CUX1: variants seen among roughly 807,000 people sequenced by gnomAD.
The protein encoded by CUX1 is protein CASP.
CUX1 carries 31 observed loss-of-function variants against 158.8 expected under a neutral mutation model. The observed-to-expected ratio is 0.20, with a 90% CI of 0.15 to 0.26. The LOEUF (loss-of-function observed/expected upper bound fraction) is 0.26, where lower values mean the gene tolerates loss of function less well. CUX1 is among the 10% of genes least tolerant of loss of function. The probability of loss-of-function intolerance (pLI) is 1.00; values close to 1 mark genes in which losing one functional copy is unlikely to be tolerated. For missense variants in CUX1, 1,589 were observed against 2,014.6 expected, an observed-to-expected ratio of 0.79 and a Z score of 4.04; for synonymous variants, 879 against 862.1, an observed-to-expected ratio of 1.02 and a Z score of -0.34.
intron 2 of CUX1, among the ~76,000 whole-genome samples, chr7:101,996,347 C>A (rs964442839): frequency 6.6e-6 from 1 of 151,342 alleles, no homozygotes; most frequent in African/African-American, 2.5e-5. Flanking sequence ...GTCTCTTGAG[C>A]TCAGCTGGCT....
Position 102,249,689 on chromosome 7 carries a change from G to A in CUX1, c.*647G>A, listed in dbSNP as rs2132636675. 1 of 984,928 alleles carries A rather than the reference G, an allele frequency of 1.0e-6. No homozygotes were observed. Among genetic ancestry groups the A allele is most frequent in the African/African-American group, 1.8e-5 (1 of 57,130 alleles). The allele number at this position is 984,928 out of a possible 1,614,324, so 61.0% of individuals were successfully genotyped here. On this transcript the variant is annotated 3_prime_UTR_variant, in exon 24 of 24. Coordinates refer to ENST00000292535, the MANE Select transcript of CUX1 (RefSeq NM_181552.4). ...CCAGGAAAAAATAAAAGGGGGGGTG[G>A]GATTTTTCAGAAAAATTAAAAAAGA...
downstream of CUX1, among the ~76,000 whole-genome samples, chr7:102,259,927 C>G (rs1790265687): frequency 6.6e-6 from 1 of 151,450 alleles, no homozygotes; most frequent in Middle Eastern, 3.4e-3. Flanking sequence ...GAGACCCCAT[C>G]TCTACAAAAA....
intron 2 of CUX1, among the ~76,000 whole-genome samples, chr7:101,943,689 T>TA (rs553867902): frequency 9.0e-4 from 132 of 146,060 alleles, no homozygotes; most frequent in Middle Eastern, 7.0e-3. Flanking sequence ...CTTTAAAATT[T>TA]AAAAAAAAAA....
chr7:102,155,704 ATGTTT>A (rs1789678259), intron 8 of CUX1, among the ~76,000 whole-genome samples: 1 of 152,226 alleles, frequency 6.6e-6, no homozygotes, highest in Non-Finnish European at 1.5e-5. Context: ...CTTTTCTGAT[ATGTTT>A]TAAGACCCTT....
At chr7:102,071,714 C>T (rs1563204474) in intron 4 of CUX1, among the ~76,000 whole-genome samples, 2 of 152,160 alleles carry the variant, frequency 1.3e-5, no homozygotes, top group Non-Finnish European at 2.9e-5. Context: ...GCTGTCCCCT[C>T]TTGGAGCTGG....
chr7:101,925,550 T>C (rs1200595285), intron 2 of CUX1, among the ~76,000 whole-genome samples: 1 of 152,194 alleles, frequency 6.6e-6, no homozygotes, highest in Admixed American at 6.5e-5. Flanking sequence ...TTGCACAACT[T>C]TGAATATGCC....
rs61429755 is a variant in CUX1 at position 101,940,242 on chromosome 7, G to GAA, written c.141+24030_141+24031dup. Among the ~76,000 whole-genome samples, 274 of 140,194 alleles carry GAA rather than the reference G, an allele frequency of 2.0e-3. 1 individual carries two copies. The highest frequency in any genetic ancestry group is 6.6e-3 in the South Asian group (28 of 4,266). The allele number at this position is 140,194 out of a possible 152,430, so 92.0% of individuals were successfully genotyped here. The stretch of plus-strand genomic sequence containing the variant: ...GTGACGGAGGGAGACCCTGTCTCAG[G>GAA]AAAAAAAAAAAAAAGAGGAGGTTTT... On this transcript the variant is annotated intron_variant, in intron 2 of 23. Coordinates refer to ENST00000292535, the MANE Select transcript of CUX1 (RefSeq NM_181552.4).
Position 102,196,720 on chromosome 7 carries a change from A to C in CUX1, c.1309A>C (p.Asn437His). 3 of 1,611,336 alleles carry C rather than the reference A, an allele frequency of 1.9e-6. No homozygotes were observed. Among genetic ancestry groups the C allele is most frequent in the Non-Finnish European group, 2.5e-6 (3 of 1,178,100 alleles). Residue 437 changes from asparagine (N) to histidine (H), a missense_variant, in exon 15 of 24, where the codon AAC becomes CAC. Around this residue, in one of 8 missense-constraint regions of CUX1, gnomAD observed 515 missense variants for 574.4 expected, o/e 0.90. Coordinates refer to ENST00000292535, the MANE Select transcript of CUX1 (RefSeq NM_181552.4). ...CCCCCCTCCTTCTCAGTTGCCCCGC[A>C]ACCCGGGGGAGCAGGCTTCCAATAC... ...PAPPPSQLPR[N>H]PGEQASNTNG...
chr7:102,150,104 T>G (rs1312737626), intron 8 of CUX1, among the ~76,000 whole-genome samples: 3 of 152,212 alleles, frequency 2.0e-5, no homozygotes, highest in Admixed American at 6.5e-5. Flanking sequence ...GCCAAAGAAC[T>G]TTATGATCTG....
chr7:102,026,818 TAAAAAAA>T (rs10533217), intron 2 of CUX1, among the ~76,000 whole-genome samples: 9 of 96,312 alleles, frequency 9.3e-5, no homozygotes, highest in Non-Finnish European at 1.4e-4. Flanking sequence ...ACTCCGTCTT[TAAAAAAA>T]AAAAAAAAAA....
At chr7:102,195,766 G>A (rs1174820547) in intron 14 of CUX1, among the ~76,000 whole-genome samples, 163 bp downstream of exon 14, 1 of 152,304 alleles carries the variant, frequency 6.6e-6, no homozygotes, top group Non-Finnish European at 1.5e-5. Context: ...CCTCCTCACC[G>A]CTCCTCCCTT....
intron 2 of CUX1, among the ~76,000 whole-genome samples, chr7:101,936,822 A>T (rs1482335939): frequency 2.0e-5 from 3 of 152,162 alleles, no homozygotes; most frequent in Non-Finnish European, 4.4e-5. Context: ...AGCTCTCAGA[A>T]CCATAATGGT....
At position 101,933,434 on chromosome 7, in the gene CUX1, C is replaced by A. The variant is rs147067638; in HGVS notation, c.141+17209C>A. On this transcript the variant is annotated intron_variant, in intron 2 of 23. Coordinates refer to ENST00000292535, the MANE Select transcript of CUX1 (RefSeq NM_181552.4). ...AAAAGAATTCAGAGCTAGCTATTTA[C>A]CTTTTTCCTAGACAAACACTATTAA... Among the ~76,000 whole-genome samples, 283 of 152,272 alleles carry A rather than the reference C, an allele frequency of 1.9e-3. 1 individual carries two copies. The highest frequency in any genetic ancestry group is 6.6e-3 in the African/African-American group (274 of 41,566).
intron 1 of CUX1, among the ~76,000 whole-genome samples, chr7:101,874,438 C>T (rs1481793666): frequency 2.0e-5 from 3 of 152,244 alleles, no homozygotes; most frequent in Admixed American, 2.0e-4. Flanking sequence ...GAACTTTTCT[C>T]TAAACTCCAC....
rs1794893280 is a variant in CUX1, at chr7:102,197,303, G to A, written c.1892G>A (p.Arg631Lys). The A allele has an allele frequency of 1.2e-6, 2 of 1,610,420 alleles. No homozygotes were observed. The highest frequency in any genetic ancestry group is 1.7e-6 in the Non-Finnish European group (2 of 1,177,044). Residue 631 changes from arginine (R) to lysine (K), a missense_variant and splice_region_variant, in exon 15 of 24, where the codon AGA becomes AAA. This residue lies in a region of CUX1 where 37 missense variants were observed against 124.9 expected (regional missense o/e 0.30). Coordinates refer to ENST00000292535, the MANE Select transcript of CUX1 (RefSeq NM_181552.4). The part of the protein sequence containing the change: ...LALRSIQGRQ[R>K]ENPGQSLNRL... ...CTCCGTAGCATCCAAGGCAGACAAA[G>A]AGGTGAGAGACTGGCGTTGGGTGGC...
intron 1 of CUX1, among the ~76,000 whole-genome samples, chr7:101,833,751 A>G (rs1794319886): frequency 6.6e-6 from 1 of 151,996 alleles, no homozygotes. Context: ...ATCAGACCCT[A>G]AAACAGAGCT....
chr7:101,920,809 C>T (rs1440429274), intron 2 of CUX1, among the ~76,000 whole-genome samples: 1 of 152,166 alleles, frequency 6.6e-6, no homozygotes, highest in Non-Finnish European at 1.5e-5. Flanking sequence ...AAGAATCAAT[C>T]GTGGAACATA....
chr7:101,935,590 C>T (rs1321498016), intron 2 of CUX1, among the ~76,000 whole-genome samples: 1 of 152,204 alleles, frequency 6.6e-6, no homozygotes, highest in Non-Finnish European at 1.5e-5. Context: ...TGGTATCCAC[C>T]ATTTTGTTCT....
At chr7:101,876,985 C>T (rs1485006057) in intron 1 of CUX1, among the ~76,000 whole-genome samples, 1 of 152,112 alleles carries the variant, frequency 6.6e-6, no homozygotes, top group Non-Finnish European at 1.5e-5. Context: ...GGATGGGTAT[C>T]CTTGTACATC....
Sources: allele counts gnomAD v4.1 joint callset (sites outside exome capture counted in the v4.1 genomes callset), GRCh38; gene constraint gnomAD v4.1.1; regional missense constraint gnomAD v4.1.1; transcripts MANE v1.5; gene names NCBI Gene and HGNC (gene_info 2026-07-23, HGNC 2026-07-21).